Variants in TAOK3 observed in about 807,000 individuals in gnomAD.
The protein encoded by TAOK3 is serine/threonine-protein kinase TAO3.
A neutral mutation model predicts 120.4 loss-of-function variants in TAOK3; 40 were observed. The observed-to-expected ratio is 0.33, with a 90% confidence interval of 0.26 to 0.43. TAOK3 has a LOEUF of 0.43. TAOK3 is among the 20% of genes least tolerant of loss of function. TAOK3 has a pLI of 1.00. For missense variants in TAOK3, 821 were observed against 1,112.1 expected, an observed-to-expected ratio of 0.74 and a Z score of 3.72; for synonymous variants, 355 against 387.5, an observed-to-expected ratio of 0.92 and a Z score of 0.99.
chr12:118,349,564 A>G (rs1428340308), intron 1 of TAOK3, among the ~76,000 whole-genome samples: 1 of 150,252 alleles, frequency 6.7e-6, no homozygotes, highest in Non-Finnish European at 1.5e-5. Flanking sequence ...AAATCCATAG[A>G]GACAGAAAGT....
intron 1 of TAOK3, among the ~76,000 whole-genome samples, chr12:118,278,521 C>T (rs1449972357): frequency 6.6e-6 from 1 of 152,182 alleles, no homozygotes; most frequent in Non-Finnish European, 1.5e-5. Flanking sequence ...ATATGCACCA[C>T]ATTTTCTTTA....
chr12:118,160,369 A>C lies in TAOK3; in HGVS notation c.2140-11T>G. ...TTGCATTTCCATGGCCTGGGTAGAA[A>C]AAGTGACAAAGGAAAAATAAAGGCA... On this transcript the variant is annotated splice_polypyrimidine_tract_variant and intron_variant, in intron 18 of 20. Transcript: ENST00000392533. The surrounding 1 kb of genome is among the most constrained non-coding windows in gnomAD (Gnocchi z 4.2). The C allele has an allele frequency of 1.2e-6, 2 of 1,608,654 alleles. No individual in the cohort carries two copies. Among genetic ancestry groups the C allele is most frequent in the African/African-American group, 1.3e-5 (1 of 74,848 alleles).
chr12:118,171,455 C>T lies in TAOK3; in HGVS notation c.1899+1002G>A, dbSNP rs368903787. 7.4e-4 allele frequency among the ~76,000 whole-genome samples: 112 copies of T among 152,334 alleles called. 1 individual carries two copies. The highest frequency in any genetic ancestry group is 2.6e-3 in the African/African-American group (107 of 41,564). ...CACTGTAACCTCTGCCTCCTAGGCT[C>T]AAGTGATTCTCCTGCCTCAGTCTCC... On this transcript the variant is annotated intron_variant, in intron 17 of 20. Coordinates refer to ENST00000392533, the MANE Select transcript of TAOK3 (RefSeq NM_016281.4).
chr12:118,339,138 A>T (rs1027114246), intron 1 of TAOK3, among the ~76,000 whole-genome samples: 3 of 152,192 alleles, frequency 2.0e-5, no homozygotes, highest in Non-Finnish European at 4.4e-5. Flanking sequence ...TTTTGAAGCC[A>T]GTGAATGATA....
At chr12:118,195,474 G>A (rs2037667887) in intron 13 of TAOK3, among the ~76,000 whole-genome samples, 1 of 152,172 alleles carries the variant, frequency 6.6e-6, no homozygotes, top group Non-Finnish European at 1.5e-5. Context: ...TTGTACCGGA[G>A]TCACTTGTGA....
At chr12:118,355,849 G>A (rs892461257) in intron 1 of TAOK3, among the ~76,000 whole-genome samples, 4 of 152,132 alleles carry the variant, frequency 2.6e-5, no homozygotes, top group Non-Finnish European at 5.9e-5. Flanking sequence ...CTGTGAAGTA[G>A]GTATTATAAT....
intron 1 of TAOK3, among the ~76,000 whole-genome samples, chr12:118,323,072 G>C (rs1258599762): frequency 6.6e-6 from 1 of 151,990 alleles, no homozygotes; most frequent in Non-Finnish European, 1.5e-5. Context: ...GATTTGGTCT[G>C]CAGATTATAG....
chr12:118,325,839 C>T (rs185183391), intron 1 of TAOK3, among the ~76,000 whole-genome samples: 15 of 152,212 alleles, frequency 9.9e-5, no homozygotes, highest in Admixed American at 8.5e-4. Flanking sequence ...ACCACCATGT[C>T]AGCTAATTTT....
intron 1 of TAOK3, among the ~76,000 whole-genome samples, chr12:118,348,102 C>T (rs911306742): frequency 6.6e-6 from 1 of 152,194 alleles, no homozygotes; most frequent in Non-Finnish European, 1.5e-5. Context: ...TTGATTATGT[C>T]CACCACGCCT....
At chr12:118,151,229 C>G (rs2034383343) in intron 20 of TAOK3, 71 bp from the exon 21 acceptor site, 1 of 1,525,038 alleles carries the variant, frequency 6.6e-7, no homozygotes, top group Admixed American at 1.8e-5. Context: ...CGCGATACAC[C>G]CATAGGCACA....
intron 17 of TAOK3, among the ~76,000 whole-genome samples, chr12:118,163,625 A>T (rs1013550322): frequency 4.6e-5 from 7 of 151,204 alleles, no homozygotes; most frequent in African/African-American, 1.7e-4. Flanking sequence ...AAAAAAAAAG[A>T]GAGAGAGCAA....
At chr12:118,222,273 G>A (rs947931722) in intron 9 of TAOK3, among the ~76,000 whole-genome samples, 2 of 152,106 alleles carry the variant, frequency 1.3e-5, no homozygotes, top group Non-Finnish European at 2.9e-5. Flanking sequence ...GGTGACTCAC[G>A]CCTATAATCC....
At position 118,152,701 on chromosome 12, in the gene TAOK3, C is replaced by T. The variant is rs111919438; in HGVS notation, c.2353-292G>A. On this transcript the variant is annotated intron_variant, in intron 19 of 20. Transcript: ENST00000392533. Reference sequence around the variant, plus strand: ...GAGGTAGGCTCCTGGGCTTGAATTACAGCTACACCATCCACTTTGTGTGTG... The same window carrying T: ...GAGGTAGGCTCCTGGGCTTGAATTATAGCTACACCATCCACTTTGTGTGTG... 3.3e-3 allele frequency: 1,047 copies of T among 319,760 alleles called. 6 individuals are homozygous for T. Among genetic ancestry groups the T allele is most frequent in the African/African-American group, 0.019 (936 of 48,370 alleles). The allele number at this position is 319,760 out of a possible 1,614,324, so 19.8% of individuals were successfully genotyped here. A position where few individuals can be genotyped will look rare whatever the true frequency, so the allele number is the denominator to read the frequency against.
intron 9 of TAOK3, among the ~76,000 whole-genome samples, chr12:118,215,007 A>C (rs2038816158): frequency 6.6e-6 from 1 of 150,952 alleles, no homozygotes; most frequent in African/African-American, 2.4e-5. Context: ...AGCCTCCCAA[A>C]GTGCTGGGAT....
At chr12:118,353,636 C>A (rs673078) in intron 1 of TAOK3, among the ~76,000 whole-genome samples, 129,036 of 152,090 alleles carry the variant, frequency 0.85, 55,245 homozygotes, top group East Asian at 0.99. Flanking sequence ...AAGGCAGGCC[C>A]CTGTGGTAGT....
chr12:118,366,846 C>T (rs1391489949), intron 1 of TAOK3, among the ~76,000 whole-genome samples: 6 of 152,124 alleles, frequency 3.9e-5, no homozygotes. Context: ...TCCCAGCACT[C>T]TGGGAGGCTG....
In TAOK3 at chr12:118,337,935, A is replaced by G. The variant is rs1055729135; in HGVS notation, c.-194+34713T>C. Among the ~76,000 whole-genome samples, 6 of 152,338 alleles carry G rather than the reference A, an allele frequency of 3.9e-5. No individual in the cohort carries two copies. In the South Asian group the frequency reaches 1.0e-3, roughly 26 times the overall value. ...TGAACAAGGATGGGGAACTGTATCAATATCAATATTCTGGCTGTGATACCA... is the reference window on the plus strand; with the variant it reads ...TGAACAAGGATGGGGAACTGTATCAGTATCAATATTCTGGCTGTGATACCA... On this transcript the variant is annotated intron_variant, in intron 1 of 20. Coordinates refer to ENST00000392533, the MANE Select transcript of TAOK3 (RefSeq NM_016281.4).
chr12:118,244,976 AGG>A lies in TAOK3; in HGVS notation c.121-13_121-12del. 1 of 1,582,172 alleles carries A rather than the reference AGG, an allele frequency of 6.3e-7. No individual in the cohort carries two copies. The highest frequency in any genetic ancestry group is 8.6e-7 in the Non-Finnish European group (1 of 1,156,864). On this transcript the variant is annotated splice_polypyrimidine_tract_variant and intron_variant, in intron 3 of 20. Coordinates refer to ENST00000392533, the MANE Select transcript of TAOK3 (RefSeq NM_016281.4). ...GTGAGCATTTGTAGCCTGTGTTAAG[AGG>A]GTAGAAGAAAAAGAAAAAGAATTAG... is the stretch of plus-strand genomic sequence containing the variant.
chr12:118,155,324 A>C (rs901746575), intron 19 of TAOK3, among the ~76,000 whole-genome samples: 2 of 152,180 alleles, frequency 1.3e-5, no homozygotes, highest in African/African-American at 4.8e-5. Flanking sequence ...GACATTGATA[A>C]TACTCATTAA....
Sources: gnomAD v4.1 joint callset for allele counts (sites outside exome capture counted in the v4.1 genomes callset) on GRCh38, gnomAD v4.1.1 for gene constraint, Gnocchi (gnomAD v3.1) non-coding constraint, MANE v1.5 for transcripts, NCBI Gene and HGNC (gene_info 2026-07-23, HGNC 2026-07-21) for gene names.